Variants in CLN8 observed in about 807,000 individuals in gnomAD.
The protein encoded by CLN8 is CLN8 transmembrane ER and ERGIC protein, also known as protein CLN8.
In CLN8, 14 loss-of-function variants were observed where a neutral mutation model predicts 15.7. That is an observed-to-expected ratio of 0.89 (90% CI 0.59 to 1.39). CLN8 has a LOEUF of 1.39. Ranked by LOEUF, CLN8 falls within the 40% of genes most tolerant of loss-of-function variation. CLN8 has a pLI of 0.00. For synonymous variants in CLN8, 188 were observed against 151.0 expected, an observed-to-expected ratio of 1.25 and a Z score of -1.80; for missense variants, 415 against 364.0, an observed-to-expected ratio of 1.14 and a Z score of -1.14.
At position 1,771,491 on chromosome 8, in the gene CLN8, T is replaced by G; in HGVS notation, c.437T>G (p.Phe146Cys). ...VIHHLFAFLG[F>C]LGCLVNLQAG... is the part of the protein sequence containing the mutation. The stretch of plus-strand genomic sequence containing the variant: ...CACCATCTCTTTGCCTTTCTTGGGT[T>G]TCTTGGCTGCTTGGTCAATCTCCAA... The change falls in exon 2 of 3, where the codon TTT becomes TGT. Residue 146 changes from phenylalanine to cysteine, a missense_variant. Coordinates refer to ENST00000331222, the MANE Select transcript of CLN8 (RefSeq NM_018941.4). 1 of 1,614,218 alleles carries G rather than the reference T, an allele frequency of 6.2e-7. No individual in the cohort carries two copies. Among genetic ancestry groups the G allele is most frequent in the Non-Finnish European group, 8.5e-7 (1 of 1,180,038 alleles).
chr8:1,772,080 T>C (rs1485807433), intron 2 of CLN8, among the ~76,000 whole-genome samples: 1 of 151,806 alleles, frequency 6.6e-6, no homozygotes, highest in Non-Finnish European at 1.5e-5. Flanking sequence ...GGACTACAGG[T>C]GCGCACCACC....
At chr8:1,775,525 C>T (rs144660033) in intron 2 of CLN8, among the ~76,000 whole-genome samples, 458 of 152,314 alleles carry the variant, frequency 3.0e-3, no homozygotes, top group African/African-American at 0.011. Context: ...AAGAACTCTT[C>T]GGTTCTCAAG....
rs780551031 is a variant in CLN8 at position 1,771,213 on chromosome 8, C to T, written c.159C>T (p.Tyr53=). The T allele has an allele frequency of 6.8e-6, 11 of 1,613,928 alleles. No individual in the cohort carries two copies. The South Asian group carries it at 1.2e-4, about 18-fold the overall frequency. ...HQLSSSLNAT[Y]RSLVAREKVF... ...TGTCCTCTTCCCTGAATGCCACTTACCGTTCTTTGGTGGCCAGAGAGAAGG... is the reference window on the plus strand; with the variant it reads ...TGTCCTCTTCCCTGAATGCCACTTATCGTTCTTTGGTGGCCAGAGAGAAGG... The change falls in exon 2 of 3, where the codon TAC becomes TAT. Residue 53 remains tyrosine (Y), a synonymous_variant. Coordinates refer to ENST00000331222, the MANE Select transcript of CLN8 (RefSeq NM_018941.4).
At chr8:1,779,098 C>T (rs1801622909) in intron 2 of CLN8, among the ~76,000 whole-genome samples, 1 of 152,184 alleles carries the variant, frequency 6.6e-6, no homozygotes, top group African/African-American at 2.4e-5. Flanking sequence ...ACTTGAAGTA[C>T]AGTTTCTACT....
upstream of CLN8, among the ~76,000 whole-genome samples, chr8:1,754,100 A>C (rs888911135): frequency 2.0e-5 from 3 of 152,104 alleles, no homozygotes; most frequent in Middle Eastern, 3.2e-3. Context: ...CGCTGATACA[A>C]AAATTGCAAG....
At chr8:1,758,656 G>C (rs1157494094) in intron 1 of CLN8, 2 of 152,210 alleles carry the variant, frequency 1.3e-5, no homozygotes, top group Non-Finnish European at 2.9e-5. Flanking sequence ...CAGTGGTTTG[G>C]TCCAGAAAGG....
chr8:1,756,924 C>A (rs190483427), intron 1 of CLN8, among the ~76,000 whole-genome samples: 1 of 152,126 alleles, frequency 6.6e-6, no homozygotes, highest in East Asian at 1.9e-4. Context: ...CTCAAGTGAC[C>A]CACCCACCTC....
At chr8:1,765,719 G>A (rs1392023905) in intron 1 of CLN8, among the ~76,000 whole-genome samples, 1 of 152,202 alleles carries the variant, frequency 6.6e-6, no homozygotes, top group African/African-American at 2.4e-5. Context: ...AATAAGATTG[G>A]TGAATATCCT....
chr8:1,757,273 C>G (rs1800692851), intron 1 of CLN8, among the ~76,000 whole-genome samples: 1 of 152,206 alleles, frequency 6.6e-6, no homozygotes, highest in African/African-American at 2.4e-5. Flanking sequence ...TGAAGGTCAG[C>G]AGCAGCAACC....
rs1299122401 is a variant in CLN8 at position 1,780,700 on chromosome 8, T to C, written c.*133T>C. On this transcript the variant is annotated 3_prime_UTR_variant, in exon 3 of 3. Coordinates refer to ENST00000331222, the MANE Select transcript of CLN8 (RefSeq NM_018941.4). ...ACTTCTAAGGGAAATACTAACTTTC[T>C]TTCGCATTAGTATTAATTTTGAAGT... 1 of 779,694 alleles carries C rather than the reference T, an allele frequency of 1.3e-6. No individual in the cohort carries two copies. Among genetic ancestry groups the C allele is most frequent in the Non-Finnish European group, 2.0e-6 (1 of 490,388 alleles). 48.3% of individuals were successfully genotyped at this position (779,694 alleles called of 1,614,324 possible). A position where few individuals can be genotyped will look rare whatever the true frequency, so the allele number is the denominator to read the frequency against.
At chr8:1,753,996 T>G (rs1331985393), upstream of CLN8, among the ~76,000 whole-genome samples, 3 of 152,108 alleles carry the variant, frequency 2.0e-5, no homozygotes, top group Admixed American at 1.3e-4. Flanking sequence ...AGCAAAAGGA[T>G]AAGCTGTGAG....
chr8:1,753,557 G>C (rs1800600047), upstream of CLN8, among the ~76,000 whole-genome samples: 1 of 101,816 alleles, frequency 9.8e-6, no homozygotes, highest in African/African-American at 3.7e-5. Flanking sequence ...GGTGACAAGA[G>C]TGAAACTGTT....
rs556178778 is a variant in CLN8 at position 1,764,119 on chromosome 8, C to T, written c.-124+234C>T. 3.0e-3 allele frequency among the ~76,000 whole-genome samples: 442 copies of T among 148,918 alleles called. 8 individuals carry two copies. The highest frequency in any genetic ancestry group is 0.025 in the Admixed American group (375 of 15,102). On this transcript the variant is annotated intron_variant, in intron 1 of 2. Transcript: ENST00000331222. ...ACCCAGATGGGCGCGCGGGAGCCCA[C>T]GTGAGGGGGAGCCCGGGTGAGGGGC...
upstream of CLN8, chr8:1,761,868 A>G (rs1469517636): frequency 6.6e-6 from 1 of 152,212 alleles, no homozygotes; most frequent in Non-Finnish European, 1.5e-5. Context: ...TTCAATAGTG[A>G]TGTTATCCCC....
chr8:1,777,462 C>T (rs1156448858), intron 2 of CLN8, among the ~76,000 whole-genome samples: 1 of 151,998 alleles, frequency 6.6e-6, no homozygotes, highest in Non-Finnish European at 1.5e-5. Flanking sequence ...CATAAAGTAA[C>T]CTTAACTTAC....
At chr8:1,779,879 G>C in intron 2 of CLN8, 1 of 917,360 alleles carries the variant, frequency 1.1e-6, no homozygotes, top group South Asian at 5.0e-5. Context: ...CCTGTGTCTG[G>C]TTTTGCCAAA....
intron 2 of CLN8, among the ~76,000 whole-genome samples, chr8:1,774,733 C>T (rs1801447042): frequency 6.6e-6 from 1 of 152,230 alleles, no homozygotes; most frequent in Non-Finnish European, 1.5e-5. Flanking sequence ...TGGCTCACAC[C>T]TGTAATCCCA....
chr8:1,769,242 G>C (rs777589503), intron 1 of CLN8, among the ~76,000 whole-genome samples: 2 of 152,166 alleles, frequency 1.3e-5, no homozygotes, highest in Admixed American at 6.5e-5. Flanking sequence ...TTTGCATCAG[G>C]TCCCAGGACT....
chr8:1,783,022 G>T lies in CLN8; in HGVS notation c.*2455G>T, dbSNP rs1229757095. 6.6e-6 allele frequency: 1 copy of T among 152,368 alleles called. No homozygotes were observed. The highest frequency in any genetic ancestry group is 6.5e-5 in the Admixed American group (1 of 15,288). The allele number at this position is 152,368 out of a possible 1,614,324, so 9.4% of individuals were successfully genotyped here. Reference sequence around the variant, plus strand: ...CCCTCAGTGCAGAGCCTGAAGTTGGGGGTTTAGGGGTGGAAAAGGCTTCGT... The same window carrying T: ...CCCTCAGTGCAGAGCCTGAAGTTGGTGGTTTAGGGGTGGAAAAGGCTTCGT... On this transcript the variant is annotated 3_prime_UTR_variant, in exon 3 of 3. Coordinates refer to ENST00000331222, the MANE Select transcript of CLN8 (RefSeq NM_018941.4).
Sources: allele counts gnomAD v4.1 joint callset (sites outside exome capture counted in the v4.1 genomes callset), GRCh38; gene constraint gnomAD v4.1.1; transcripts MANE v1.5; gene names NCBI Gene and HGNC (gene_info 2026-07-23, HGNC 2026-07-21).